Variants in C22orf23 observed in about 807,000 individuals in gnomAD.
C22orf23 encodes the protein chromosome 22 open reading frame 23, also known as UPF0193 protein EVG1.
Under a neutral mutation model 29.7 loss-of-function variants are expected in C22orf23, and 30 were observed. The ratio of observed to expected loss-of-function variants is 1.01; its 90% CI spans 0.76 to 1.37. The LOEUF is 1.37. Ranked by LOEUF, C22orf23 falls within the 40% of genes most tolerant of loss-of-function variation. C22orf23 has a pLI of 0.00. For missense variants in C22orf23, 237 were observed against 273.1 expected (o/e 0.87, Z 0.93); for synonymous variants, 90 against 96.1 (o/e 0.94, Z 0.37).
At chr22:37,952,220 T>G (rs1931090447) in intron 2 of C22orf23, among the ~76,000 whole-genome samples, 1 of 152,184 alleles carries the variant, frequency 6.6e-6, no homozygotes, top group Non-Finnish European at 1.5e-5. Flanking sequence ...AAAGAACACA[T>G]GAATACTTGT....
Position 37,944,151 on chromosome 22 carries a change from AC to A in C22orf23, c.*23del. Reference sequence around the variant, plus strand: ...GGACTCCAGTGGTCGAGCTTGGGCTACCCTGCCCGTCTCTGGAGACAGATTA... The same window carrying A: ...GGACTCCAGTGGTCGAGCTTGGGCTACCTGCCCGTCTCTGGAGACAGATTA... On this transcript the variant is annotated 3_prime_UTR_variant, in exon 7 of 7. Coordinates refer to ENST00000403305, the MANE Select transcript of C22orf23 (RefSeq NM_032561.5). 1.2e-6 allele frequency: 2 copies of A among 1,607,840 alleles called. No homozygotes were observed. The highest frequency in any genetic ancestry group is 1.3e-5 in the African/African-American group (1 of 74,902).
chr22:37,947,982 C>T (rs1601850009), intron 3 of C22orf23, among the ~76,000 whole-genome samples: 1 of 151,910 alleles, frequency 6.6e-6, no homozygotes, highest in Non-Finnish European at 1.5e-5. Flanking sequence ...TGGCGGGTGC[C>T]TATAGTCCCT....
intron 2 of C22orf23, chr22:37,952,543 C>T (rs1174590030): frequency 6.7e-6 from 1 of 150,134 alleles, no homozygotes; most frequent in African/African-American, 2.5e-5. Flanking sequence ...CCCCCCGCCC[C>T]GCCCCGCCCC....
At chr22:37,945,894 A>G (rs926414765) in intron 4 of C22orf23, among the ~76,000 whole-genome samples, 4 of 150,458 alleles carry the variant, frequency 2.7e-5, no homozygotes, top group African/African-American at 9.8e-5. Flanking sequence ...CAGGCAAATC[A>G]TGAGGTCAGG....
At chr22:37,945,225 T>A in intron 4 of C22orf23, 52 bp from the exon 5 acceptor site, 1 of 1,577,654 alleles carries the variant, frequency 6.3e-7, no homozygotes, top group Non-Finnish European at 8.6e-7. Flanking sequence ...GTGCCCTTAT[T>A]CATGGTCTGT....
At chr22:37,945,760 G>C (rs1930660002) in intron 4 of C22orf23, among the ~76,000 whole-genome samples, 1 of 140,206 alleles carries the variant, frequency 7.1e-6, no homozygotes, top group South Asian at 2.4e-4. Flanking sequence ...GCCTCCCAAA[G>C]TGCTGGAATT....
intron 3 of C22orf23, 103 bp downstream of exon 3, chr22:37,951,355 CTT>C: frequency 9.5e-7 from 1 of 1,052,164 alleles, no homozygotes; most frequent in East Asian, 2.4e-5. Context: ...GCCCGGCTGT[CTT>C]TGTTTTTTTT....
At position 37,944,037 on chromosome 22, in the gene C22orf23, AC is replaced by A; in HGVS notation, c.*137del. On this transcript the variant is annotated 3_prime_UTR_variant, in exon 7 of 7. Coordinates refer to ENST00000403305, the MANE Select transcript of C22orf23 (RefSeq NM_032561.5). Reference sequence around the variant, plus strand: ...TAGGCTGCTGAGTATGCCTTGGGGTACTGCAGGGCAGTGCTATGCCACCACC... The same window carrying A: ...TAGGCTGCTGAGTATGCCTTGGGGTATGCAGGGCAGTGCTATGCCACCACC... 1.3e-6 allele frequency: 1 copy of A among 774,060 alleles called. No individual in the cohort carries two copies. The highest frequency in any genetic ancestry group is 2.3e-6 in the Non-Finnish European group (1 of 439,296). 47.9% of individuals were successfully genotyped at this position (774,060 alleles called of 1,614,324 possible).
Position 37,943,568 on chromosome 22 carries a change from TCAGCACCCGCCA to T in C22orf23, c.*595_*606del, listed in dbSNP as rs1234650962. The T allele has an allele frequency of 6.4e-6, 1 of 157,310 alleles. No individual in the cohort carries two copies. The highest frequency in any genetic ancestry group is 1.8e-4 in the East Asian group (1 of 5,422). The allele number at this position is 157,310 out of a possible 1,614,324, so 9.7% of individuals were successfully genotyped here. The stretch of plus-strand genomic sequence containing the variant: ...ATTGAGATCATTAACAGAGTGGAAT[TCAGCACCCGCCA>T]CAGCAGCCAGCCATGGGGTGCCCAA... On this transcript the variant is annotated 3_prime_UTR_variant, in exon 7 of 7. Transcript: ENST00000403305.
At chr22:37,950,062 A>C (rs1314231341) in intron 3 of C22orf23, among the ~76,000 whole-genome samples, 1 of 151,836 alleles carries the variant, frequency 6.6e-6, no homozygotes, top group Non-Finnish European at 1.5e-5. Context: ...AGCCTCCCAA[A>C]GTGATAGGAT....
At chr22:37,944,585 G>A (rs528461767) in intron 5 of C22orf23, 68 bp from the exon 6 acceptor site, 43 of 1,353,998 alleles carry the variant, frequency 3.2e-5, no homozygotes, top group African/African-American at 3.0e-4. Flanking sequence ...CTCTTGAGGA[G>A]AGGAAGTGGT....
intron 3 of C22orf23, among the ~76,000 whole-genome samples, chr22:37,950,052 A>G (rs1930923512): frequency 6.6e-6 from 1 of 151,862 alleles, no homozygotes. Flanking sequence ...CTCCTGCCTT[A>G]GCCTCCCAAA....
chr22:37,944,014 G>A lies in C22orf23; in HGVS notation c.*161C>T, dbSNP rs1930541828. ...CATCTGCATTCCGGGGCAGGGGCTA[G>A]GCTGCTGAGTATGCCTTGGGGTACT... On this transcript the variant is annotated 3_prime_UTR_variant, in exon 7 of 7. Transcript: ENST00000403305. The A allele has an allele frequency of 1.5e-6, 1 of 688,018 alleles. No homozygotes were observed. Among genetic ancestry groups the A allele is most frequent in the Admixed American group, 2.2e-5 (1 of 46,052 alleles). 42.6% of individuals were successfully genotyped at this position (688,018 alleles called of 1,614,324 possible).
In C22orf23 at chr22:37,947,363, T is replaced by C. The variant is rs1472020008; in HGVS notation, c.267A>G (p.Ala89=). Reference sequence around the variant, plus strand: ...TGGCAGGCCGGAGGTGGGGACGGGCTGCGAGGATGGGAGGCAGGTAGATGG... The same window carrying C: ...TGGCAGGCCGGAGGTGGGGACGGGCCGCGAGGATGGGAGGCAGGTAGATGG... ...ASPIYLPPIL[A]ARPHLRPANM... The change falls in exon 4 of 7, where the codon GCA becomes GCG. Residue 89 remains alanine, a synonymous_variant. Coordinates refer to ENST00000403305, the MANE Select transcript of C22orf23 (RefSeq NM_032561.5). 2 of 1,613,734 alleles carry C rather than the reference T, an allele frequency of 1.2e-6. No individual in the cohort carries two copies. Among genetic ancestry groups the C allele is most frequent in the Admixed American group, 3.3e-5 (2 of 59,972 alleles).
At chr22:37,947,768 G>A (rs2145699428) in intron 3 of C22orf23, among the ~76,000 whole-genome samples, 1 of 149,618 alleles carries the variant, frequency 6.7e-6, no homozygotes, top group South Asian at 2.2e-4. Context: ...GCCTCCCAAA[G>A]TGCTAGGATT....
intron 2 of C22orf23, 78 bp downstream of exon 2, chr22:37,952,969 C>T: frequency 1.0e-6 from 1 of 995,040 alleles, no homozygotes; most frequent in Non-Finnish European, 1.6e-6. Flanking sequence ...CCCACACCTC[C>T]GTCAGTGGAA....
intron 1 of C22orf23, 51 bp downstream of exon 1, chr22:37,953,397 C>T: frequency 1.7e-6 from 1 of 572,690 alleles, no homozygotes; most frequent in Non-Finnish European, 3.1e-6. Flanking sequence ...GTTAACACAG[C>T]CATGGTCACA....
chr22:37,945,309 T>G, intron 4 of C22orf23, 136 bp from the exon 5 acceptor site: 1 of 1,036,448 alleles, frequency 9.6e-7, no homozygotes, highest in Middle Eastern at 3.1e-4. Flanking sequence ...GCTGCTACCC[T>G]GGGTTCTCCT....
chr22:37,949,058 G>A (rs966764527), intron 3 of C22orf23, among the ~76,000 whole-genome samples: 3 of 151,956 alleles, frequency 2.0e-5, no homozygotes, highest in East Asian at 1.9e-4. Flanking sequence ...TCTTTGTACC[G>A]ATGCTTTAAT....
Sources: gnomAD v4.1 joint callset for allele counts (sites outside exome capture counted in the v4.1 genomes callset) on GRCh38, gnomAD v4.1.1 for gene constraint, MANE v1.5 for transcripts, NCBI Gene and HGNC (gene_info 2026-07-23, HGNC 2026-07-21) for gene names.